The following SHISA9 variants were observed in gnomAD, a reference collection of about 807,000 sequenced individuals.
SHISA9 encodes the protein shisa family member 9.
SHISA9 carries 13 observed loss-of-function variants against 38.0 expected under a neutral mutation model. The observed-to-expected ratio is 0.34, with a 90% CI of 0.22 to 0.54. The LOEUF (loss-of-function observed/expected upper bound fraction) is 0.54, where lower values mean the gene tolerates loss of function less well. Among genes scored for constraint, SHISA9 ranks in the 20% least tolerant of loss-of-function variants. The pLI is 0.91. For missense variants in SHISA9, 538 were observed against 575.8 expected, an observed-to-expected ratio of 0.93 and a Z score of 0.67; for synonymous variants, 275 against 242.0, an observed-to-expected ratio of 1.14 and a Z score of -1.27.
chr16:13,004,098 C>T (rs1194459628), intron 2 of SHISA9, among the ~76,000 whole-genome samples: 1 of 152,168 alleles, frequency 6.6e-6, no homozygotes, highest in Admixed American at 6.5e-5. Context: ...TCTTTGCACT[C>T]TGCTTTCCAC....
chr16:13,300,838 C>G, the SHISA9 span, among the ~76,000 whole-genome samples: 1 of 101,142 alleles, frequency 9.9e-6, no homozygotes. Flanking sequence ...CCCCTCCCCT[C>G]CCCTCTTCTC....
At chr16:13,560,732 CT>C in the SHISA9 span, among the ~76,000 whole-genome samples, 96 of 138,076 alleles carry the variant, frequency 7.0e-4, no homozygotes, top group Non-Finnish European at 1.1e-3. Flanking sequence ...AAGAGAAGAT[CT>C]GTCCAAATGC....
chr16:13,376,243 C>G, the SHISA9 span, among the ~76,000 whole-genome samples: 6,299 of 152,270 alleles, frequency 0.041, 264 homozygotes, highest in African/African-American at 0.11. Context: ...ATAATCCTCC[C>G]TTAGGGAGTG....
chr16:13,485,692 A>C, the SHISA9 span, among the ~76,000 whole-genome samples: 1 of 152,188 alleles, frequency 6.6e-6, no homozygotes. Context: ...ATATACAATA[A>C]GTTATTGTTA....
At chr16:13,550,710 T>C in the SHISA9 span, among the ~76,000 whole-genome samples, 1 of 152,240 alleles carries the variant, frequency 6.6e-6, no homozygotes, top group Non-Finnish European at 1.5e-5. Flanking sequence ...TTAGTAAGTA[T>C]TCACTGCGAA....
At chr16:13,309,794 C>T in the SHISA9 span, among the ~76,000 whole-genome samples, 2 of 151,978 alleles carry the variant, frequency 1.3e-5, no homozygotes, top group African/African-American at 4.8e-5. Flanking sequence ...CTCTTGGGAA[C>T]ACTAGACCAA....
intron 2 of SHISA9, among the ~76,000 whole-genome samples, chr16:12,950,070 CCTT>C (rs2071734972): frequency 6.6e-6 from 1 of 152,164 alleles, no homozygotes; most frequent in South Asian, 2.1e-4. Flanking sequence ...TTCTCTAGCT[CCTT>C]GAGATAAACT....
chr16:13,128,708 G>A (rs989100644), intron 2 of SHISA9, among the ~76,000 whole-genome samples: 1 of 152,160 alleles, frequency 6.6e-6, no homozygotes, highest in African/African-American at 2.4e-5. Flanking sequence ...ATGTCCCACT[G>A]GGAGGCAGAC....
At chr16:12,917,375 G>T (rs1185449937) in intron 2 of SHISA9, among the ~76,000 whole-genome samples, 2 of 152,066 alleles carry the variant, frequency 1.3e-5, no homozygotes, top group East Asian at 3.9e-4. Flanking sequence ...AGTGGTTATT[G>T]AATTTCGGTC....
At chr16:13,423,912 A>G in the SHISA9 span, among the ~76,000 whole-genome samples, 1 of 152,182 alleles carries the variant, frequency 6.6e-6, no homozygotes, top group Non-Finnish European at 1.5e-5. Context: ...TCAAGCCAAC[A>G]AGGACGCATT....
the SHISA9 span, among the ~76,000 whole-genome samples, chr16:13,428,130 C>A: frequency 6.6e-6 from 1 of 152,300 alleles, no homozygotes; most frequent in East Asian, 1.9e-4. Context: ...TAAGAAGATG[C>A]AAACTGTGTG....
intron 4 of SHISA9, among the ~76,000 whole-genome samples, chr16:13,225,659 T>A (rs1375092382): frequency 6.6e-6 from 1 of 152,160 alleles, no homozygotes; most frequent in African/African-American, 2.4e-5. Flanking sequence ...TAAGATATCT[T>A]TGCCTCAAGG....
At chr16:13,500,967 G>A in the SHISA9 span, among the ~76,000 whole-genome samples, 16 of 152,280 alleles carry the variant, frequency 1.1e-4, no homozygotes, top group African/African-American at 3.1e-4. Context: ...ATAAATTCCA[G>A]AGAGGGAGCA....
chr16:13,256,776 G>T, the SHISA9 span, among the ~76,000 whole-genome samples: 1 of 152,206 alleles, frequency 6.6e-6, no homozygotes. Context: ...ACACGGTGTT[G>T]CCTTTTGAGT....
chr16:13,537,660 C>T, the SHISA9 span, among the ~76,000 whole-genome samples: 5 of 151,878 alleles, frequency 3.3e-5, no homozygotes, highest in African/African-American at 4.8e-5. Context: ...TTTTGGCGGC[C>T]GTGGGACAAT....
intron 2 of SHISA9, among the ~76,000 whole-genome samples, chr16:13,159,270 A>C (rs1301364500): frequency 6.6e-6 from 1 of 152,190 alleles, no homozygotes; most frequent in Non-Finnish European, 1.5e-5. Context: ...TGCACTCAAC[A>C]AATGCTGGTT....
At chr16:13,257,795 A>C in the SHISA9 span, among the ~76,000 whole-genome samples, 1 of 152,174 alleles carries the variant, frequency 6.6e-6, no homozygotes, top group Admixed American at 6.5e-5. Flanking sequence ...CTTCTGTGCT[A>C]CTTAGAAGCT....
the SHISA9 span, among the ~76,000 whole-genome samples, chr16:13,355,933 G>A: frequency 1.8e-4 from 28 of 152,310 alleles, no homozygotes; most frequent in African/African-American, 5.5e-4. Flanking sequence ...TGAACAGTCC[G>A]ATTTTCAGTG....
At chr16:13,126,561 G>A (rs1292012409) in intron 2 of SHISA9, among the ~76,000 whole-genome samples, 1 of 144,116 alleles carries the variant, frequency 6.9e-6, no homozygotes, top group Non-Finnish European at 1.5e-5. Flanking sequence ...GAGGGAGGGA[G>A]AGAGGGAGAG....
Sources: gnomAD v4.1 joint callset for allele counts (sites outside exome capture counted in the v4.1 genomes callset) on GRCh38, gnomAD v4.1.1 for gene constraint, MANE v1.5 for transcripts, NCBI Gene and HGNC (gene_info 2026-07-23, HGNC 2026-07-21) for gene names.